The following DNAH14 variants were observed in gnomAD, a reference collection of about 807,000 sequenced individuals.
DNAH14 encodes axonemal beta dynein heavy chain 14.
A neutral mutation model predicts 520.9 loss-of-function variants in DNAH14; 478 were observed. The ratio of observed to expected loss-of-function variants is 0.92; its 90% CI spans 0.85 to 0.99. The LOEUF is 0.99. DNAH14 is among the 50% of genes least tolerant of loss of function. The probability of loss-of-function intolerance (pLI) is 0.00; values close to 1 mark genes in which losing one functional copy is unlikely to be tolerated. For missense variants in DNAH14, 4,831 were observed against 5,234.5 expected (o/e 0.92, Z 2.38); for synonymous variants, 1,581 against 1,757.2 (o/e 0.90, Z 2.51).
intron 84 of DNAH14, among the ~76,000 whole-genome samples, chr1:225,393,686 T>A (rs2095953469): frequency 6.6e-6 from 1 of 152,246 alleles, no homozygotes; most frequent in Admixed American, 6.5e-5. Flanking sequence ...GGTTTTTCAA[T>A]GTGGTTGTAC....
At chr1:225,305,253 G>T (rs1272054590) in intron 58 of DNAH14, among the ~76,000 whole-genome samples, 164 bp downstream of exon 58, 1 of 152,180 alleles carries the variant, frequency 6.6e-6, no homozygotes, top group Non-Finnish European at 1.5e-5. Context: ...TTCCCCCTGT[G>T]TGCCTTCAAA....
intron 21 of DNAH14, among the ~76,000 whole-genome samples, chr1:225,090,149 T>G (rs113657096): frequency 0.042 from 6,330 of 152,198 alleles, 215 homozygotes; most frequent in Non-Finnish European, 0.061. Flanking sequence ...TTATATATAC[T>G]GGCATTGAGA....
intron 11 of DNAH14, among the ~76,000 whole-genome samples, chr1:225,034,750 A>C (rs550764497): frequency 5.3e-5 from 8 of 152,022 alleles, no homozygotes; most frequent in African/African-American, 1.9e-4. Context: ...TCAATTTTAG[A>C]GCTCATTATT....
rs2092514239 is a variant in DNAH14, at chr1:225,250,819, C to T, written c.6749-1482C>T. ...GCAAGTTCTGCTGAACAGGGCTGTC[C>T]CTGGCTATCTGGTACCTGGCTTTGG... On this transcript the variant is annotated intron_variant, in intron 43 of 85. Coordinates refer to ENST00000682510, the MANE Select transcript of DNAH14 (RefSeq NM_001367479.1). The T allele has an allele frequency of 4.6e-5, 20 of 430,960 alleles. 1 individual carries two copies. In the South Asian group the frequency reaches 1.6e-3, roughly 34 times the overall value. The allele number at this position is 430,960 out of a possible 1,614,324, so 26.7% of individuals were successfully genotyped here.
intron 38 of DNAH14, among the ~76,000 whole-genome samples, chr1:225,200,644 G>T (rs1310898541): frequency 2.0e-5 from 3 of 152,042 alleles, no homozygotes; most frequent in African/African-American, 7.2e-5. Context: ...AAAATTCTTG[G>T]CTGATAATTG....
At chr1:225,357,992 G>A in intron 73 of DNAH14, 1 of 563,698 alleles carries the variant, frequency 1.8e-6, no homozygotes, top group Non-Finnish European at 3.1e-6. Context: ...AAATCTTTTA[G>A]TCCATCTAGC....
At chr1:225,065,803 G>A (rs1168444286) in intron 17 of DNAH14, among the ~76,000 whole-genome samples, 2 of 152,168 alleles carry the variant, frequency 1.3e-5, no homozygotes, top group East Asian at 3.9e-4. Context: ...TTGTCCATAA[G>A]TGAATAGTGC....
chr1:225,321,960 C>G (rs2094561874), intron 61 of DNAH14, among the ~76,000 whole-genome samples: 1 of 151,888 alleles, frequency 6.6e-6, no homozygotes, highest in South Asian at 2.1e-4. Context: ...GGCTGACTCC[C>G]AACGCATACA....
chr1:224,989,507 C>G (rs10915757), intron 8 of DNAH14, among the ~76,000 whole-genome samples: 7,942 of 152,042 alleles, frequency 0.052, 608 homozygotes, highest in African/African-American at 0.17. Context: ...TATTGGTTAT[C>G]TGTAAATAGG....
intron 38 of DNAH14, among the ~76,000 whole-genome samples, chr1:225,201,084 T>G (rs2086765268): frequency 6.6e-6 from 1 of 151,920 alleles, no homozygotes; most frequent in African/African-American, 2.4e-5. Flanking sequence ...TTTGTCTTTG[T>G]TGGATTGGGT....
chr1:224,983,288 C>A (rs2062400111), intron 8 of DNAH14, among the ~76,000 whole-genome samples: 1 of 152,070 alleles, frequency 6.6e-6, no homozygotes, highest in Admixed American at 6.6e-5. Context: ...CTTTTGGTGA[C>A]CATTTGCGTG....
chr1:225,058,868 T>C (rs2069554567), intron 17 of DNAH14, among the ~76,000 whole-genome samples: 1 of 152,222 alleles, frequency 6.6e-6, no homozygotes, highest in Non-Finnish European at 1.5e-5. Flanking sequence ...TCCTGAGTTC[T>C]AGTTTGATGG....
chr1:225,267,517 T>G (rs1339072875), intron 49 of DNAH14, among the ~76,000 whole-genome samples: 1 of 151,970 alleles, frequency 6.6e-6, no homozygotes, highest in East Asian at 1.9e-4. Flanking sequence ...ATGGTCTCGA[T>G]CTGACCTCGT....
At chr1:225,152,215 C>T in intron 32 of DNAH14, 142 bp downstream of exon 32, 1 of 663,818 alleles carries the variant, frequency 1.5e-6, no homozygotes, top group East Asian at 2.7e-5. Flanking sequence ...CTCCCAACAC[C>T]ATTTATGAAC....
chr1:225,071,942 G>A (rs1178590119), intron 17 of DNAH14, among the ~76,000 whole-genome samples: 3 of 152,156 alleles, frequency 2.0e-5, no homozygotes, highest in Admixed American at 6.5e-5. Context: ...TGAGATTTGG[G>A]TGGGGACACA....
Position 225,360,891 on chromosome 1 carries a change from C to A in DNAH14, c.11987C>A (p.Ser3996Tyr). Residue 3996 changes from serine to tyrosine, a missense_variant and splice_region_variant, in exon 75 of 86, where the codon TCT (serine) becomes TAT (tyrosine). By Grantham distance (144) the Ser-to-Tyr change is moderately radical (BLOSUM62 -2). Coordinates refer to ENST00000682510, the MANE Select transcript of DNAH14 (RefSeq NM_001367479.1). Reference protein sequence around the residue: ...FMPRLCTIVESFNSPNVTIDP... With the variant: ...FMPRLCTIVEYFNSPNVTIDP... ...CCAAGGCTTTGCACAATTGTAGAAT[C>A]GTAAGAGTTTTACATTTATCTGTAA... is the stretch of plus-strand genomic sequence containing the variant. The A allele has an allele frequency of 6.4e-7, 1 of 1,550,634 alleles. No individual in the cohort carries two copies. Among genetic ancestry groups the A allele is most frequent in the Non-Finnish European group, 8.7e-7 (1 of 1,146,190 alleles).
intron 50 of DNAH14, among the ~76,000 whole-genome samples, chr1:225,271,689 G>A (rs2093318931): frequency 6.6e-6 from 1 of 152,170 alleles, no homozygotes; most frequent in Admixed American, 6.5e-5. Flanking sequence ...GACCATTCAA[G>A]AGACTAGCAC....
intron 37 of DNAH14, among the ~76,000 whole-genome samples, chr1:225,191,357 A>G (rs1279324128): frequency 2.0e-5 from 3 of 152,102 alleles, no homozygotes; most frequent in Non-Finnish European, 4.4e-5. Context: ...TTCTTGGTTG[A>G]CAGTTTTGGT....
intron 55 of DNAH14, among the ~76,000 whole-genome samples, chr1:225,294,057 A>G (rs1218657152): frequency 2.6e-5 from 4 of 152,126 alleles, no homozygotes. Flanking sequence ...CCTATTCAGT[A>G]TGATGTTAGC....
Sources: gnomAD v4.1 joint callset for allele counts (sites outside exome capture counted in the v4.1 genomes callset) on GRCh38, gnomAD v4.1.1 for gene constraint, MANE v1.5 for transcripts, NCBI Gene and HGNC (gene_info 2026-07-23, HGNC 2026-07-21) for gene names.